The following FRMPD4 variants were observed in gnomAD, a reference collection of about 807,000 sequenced individuals.
The protein encoded by FRMPD4 is FERM and PDZ domain containing 4.
Under a neutral mutation model 94.1 loss-of-function variants are expected in FRMPD4, and 22 were observed. That is an observed-to-expected ratio of 0.23 (90% confidence interval 0.17 to 0.33). The LOEUF (loss-of-function observed/expected upper bound fraction) is 0.33, where lower values mean the gene tolerates loss of function less well. FRMPD4 is among the 10% of genes least tolerant of loss of function. FRMPD4 has a pLI of 1.00. For synonymous variants in FRMPD4, 631 were observed against 548.6 expected, an observed-to-expected ratio of 1.15 and a Z score of -2.10; for missense variants, 1,111 against 1,339.9, an observed-to-expected ratio of 0.83 and a Z score of 2.67.
At chrX:11,930,948 C>T (rs1055153447) in intron 3 of FRMPD4, among the ~76,000 whole-genome samples, 1 of 111,051 alleles carries the variant, frequency 9.0e-6, no homozygotes, top group African/African-American at 3.3e-5. Context: ...GCTGGGATAT[C>T]TGCATTGGCC....
Position 11,949,272 on chromosome X carries a change from G to A in FRMPD4, c.95+71254G>A, listed in dbSNP as rs193027168. The stretch of plus-strand genomic sequence containing the variant: ...TCTGGTGCATGTATACAAGATGGCC[G>A]TTCCCTTATGAACTGACTGGTTCAT... On this transcript the variant is annotated intron_variant, in intron 3 of 18. Coordinates refer to the FRMPD4 transcript ENST00000640291. 4.0e-3 allele frequency among the ~76,000 whole-genome samples: 443 copies of A among 112,136 alleles called. 2 individuals carry two copies. Among genetic ancestry groups the A allele is most frequent in the Non-Finnish European group, 5.8e-3 (308 of 53,259 alleles).
At chrX:12,436,141 G>A (rs1156858035) in intron 1 of FRMPD4, among the ~76,000 whole-genome samples, 1 of 110,781 alleles carries the variant, frequency 9.0e-6, no homozygotes, top group Non-Finnish European at 1.9e-5. Context: ...GAGTAGCTGG[G>A]ATTACAGGAG....
intron 1 of FRMPD4, among the ~76,000 whole-genome samples, chrX:12,418,531 T>C (rs1038864967): frequency 9.2e-6 from 1 of 108,541 alleles, no homozygotes; most frequent in Non-Finnish European, 1.9e-5. Flanking sequence ...GGCTAATTTT[T>C]GTATTTTTAG....
chrX:12,454,607 A>G (rs1181071779), intron 1 of FRMPD4, among the ~76,000 whole-genome samples: 6 of 110,432 alleles, frequency 5.4e-5, no homozygotes, highest in East Asian at 2.8e-4. Flanking sequence ...TTACAACAAA[A>G]AGAGAGAAGC....
chrX:12,197,231 G>A (rs5935260), intron 1 of FRMPD4, among the ~76,000 whole-genome samples: 30,272 of 110,213 alleles, frequency 0.27, 3,226 homozygotes, highest in Non-Finnish European at 0.35. Flanking sequence ...AATTCCAGGA[G>A]TGACCCCAGT....
intron 1 of FRMPD4, among the ~76,000 whole-genome samples, chrX:12,456,066 T>G (rs2148146666): frequency 8.9e-6 from 1 of 111,970 alleles, no homozygotes; most frequent in South Asian, 3.8e-4. Flanking sequence ...AGTGCTGGGA[T>G]TACAGGCATG....
At chrX:12,084,909 G>A (rs1287396320) in intron 3 of FRMPD4, among the ~76,000 whole-genome samples, 1 of 112,127 alleles carries the variant, frequency 8.9e-6, no homozygotes, top group African/African-American at 3.2e-5. Flanking sequence ...TTGGTAGAGC[G>A]AGAAAAGTGT....
intron 4 of FRMPD4, among the ~76,000 whole-genome samples, chrX:12,665,124 G>A (rs4297224): frequency 0.48 from 52,235 of 108,924 alleles, 10,813 homozygotes; most frequent in African/African-American, 0.79. Context: ...CCAGCAGTCT[G>A]TCTATTTTGT....
chrX:11,989,636 A>G (rs977000381), intron 3 of FRMPD4, among the ~76,000 whole-genome samples: 5 of 111,932 alleles, frequency 4.5e-5, no homozygotes, highest in Non-Finnish European at 9.4e-5. Flanking sequence ...AAAATAACAA[A>G]GAGTATAATT....
intron 1 of FRMPD4, among the ~76,000 whole-genome samples, chrX:12,347,967 T>C (rs776205140): frequency 1.8e-5 from 2 of 112,210 alleles, no homozygotes; most frequent in African/African-American, 6.5e-5. Context: ...TGAAGCAGTA[T>C]TTCATATGTA....
At chrX:12,129,547 G>T (rs1194598341) in intron 3 of FRMPD4, among the ~76,000 whole-genome samples, 1 of 111,547 alleles carries the variant, frequency 9.0e-6, no homozygotes, top group East Asian at 2.8e-4. Flanking sequence ...TTCTTCGGGA[G>T]ATTTCTCCTG....
At chrX:12,174,798 C>G (rs936873576) in intron 1 of FRMPD4, among the ~76,000 whole-genome samples, 1 of 112,135 alleles carries the variant, frequency 8.9e-6, no homozygotes, top group African/African-American at 3.2e-5. Flanking sequence ...GCCTTCCTAC[C>G]CTTAAACAAG....
chrX:12,265,923 T>C (rs996391864), intron 1 of FRMPD4, among the ~76,000 whole-genome samples: 5 of 106,161 alleles, frequency 4.7e-5, no homozygotes, highest in African/African-American at 1.7e-4. Flanking sequence ...GGTCAGGAGA[T>C]CGAGACCATC....
chrX:12,279,169 G>A (rs1411254074), intron 1 of FRMPD4, among the ~76,000 whole-genome samples: 1 of 113,070 alleles, frequency 8.8e-6, no homozygotes, highest in Non-Finnish European at 1.9e-5. Context: ...TTAGAAGCCA[G>A]CGGTGTTTAT....
In FRMPD4 at chrX:12,717,811, G is replaced by C. The variant is rs1269689918; in HGVS notation, c.2985G>C (p.Met995Ile). ...PSKQLLHSDH[M>I]EMEPETMETK... ...AGCAGTTACTTCACTCAGACCACAT[G>C]GAGATGGAGCCTGAAACTATGGAGA... Residue 995 changes from methionine to isoleucine, a missense_variant, in exon 16 of 17, where the codon ATG (methionine) becomes ATC (isoleucine). This residue lies in a region of FRMPD4 where 551 missense variants were observed against 591.6 expected (regional missense o/e 0.93). Coordinates refer to ENST00000675598, the MANE Select transcript of FRMPD4 (RefSeq NM_001368397.1). The C allele has an allele frequency of 3.3e-6, 4 of 1,211,116 alleles. No individual in the cohort carries two copies. The highest frequency in any genetic ancestry group is 4.5e-6 in the Non-Finnish European group (4 of 894,616).
intron 14 of FRMPD4, among the ~76,000 whole-genome samples, chrX:12,712,335 G>T (rs1745575853): frequency 9.0e-6 from 1 of 111,246 alleles, no homozygotes; most frequent in African/African-American, 3.3e-5. Flanking sequence ...GATCACTTGA[G>T]CACAGGAGTT....
intron 2 of FRMPD4, among the ~76,000 whole-genome samples, chrX:12,558,241 T>C (rs1300970549): frequency 8.9e-6 from 1 of 112,813 alleles, no homozygotes; most frequent in Non-Finnish European, 1.9e-5. Context: ...CATTTGATCC[T>C]CACAAGGTTG....
intron 3 of FRMPD4, among the ~76,000 whole-genome samples, chrX:12,121,957 A>C (rs916297597): frequency 1.8e-5 from 2 of 112,156 alleles, no homozygotes; most frequent in African/African-American, 6.5e-5. Context: ...GTGAACTGTT[A>C]CTGAAGCTCA....
intron 2 of FRMPD4, among the ~76,000 whole-genome samples, chrX:12,547,322 A>G (rs967293504): frequency 9.0e-6 from 1 of 111,530 alleles, no homozygotes; most frequent in East Asian, 2.8e-4. Flanking sequence ...TCCAGAAGCC[A>G]TGCTTTGGTC....
Sources: gnomAD v4.1 joint callset for allele counts (sites outside exome capture counted in the v4.1 genomes callset) on GRCh38, gnomAD v4.1.1 for gene constraint, gnomAD v4.1.1 regional missense constraint, MANE v1.5 for transcripts, NCBI Gene and HGNC (gene_info 2026-07-23, HGNC 2026-07-21) for gene names.